The following IDH3A variants were observed in gnomAD, a reference collection of about 807,000 sequenced individuals.
IDH3A encodes the protein isocitrate dehydrogenase (NAD(+)) 3 catalytic subunit alpha, also known as isocitrate dehydrogenase [NAD] subunit alpha, mitochondrial.
Under a neutral mutation model 43.3 loss-of-function variants are expected in IDH3A, and 23 were observed. That is an observed-to-expected ratio of 0.53 (90% CI 0.38 to 0.75). The LOEUF is 0.75. Among genes scored for constraint, IDH3A ranks in the 30% least tolerant of loss-of-function variants. The pLI is 0.00. For synonymous variants in IDH3A, 154 were observed against 163.5 expected, an observed-to-expected ratio of 0.94 and a Z score of 0.44; for missense variants, 329 against 474.4, an observed-to-expected ratio of 0.69 and a Z score of 2.85.
In IDH3A at chr15:78,157,573, G is replaced by T. The variant is rs1465252689; in HGVS notation, c.116G>T (p.Gly39Val). The change falls in exon 3 of 11, where the codon GGA becomes GTA. Residue 39 changes from glycine (G) to valine (V), a missense_variant. By Grantham distance (109) the Gly-to-Val change is moderately radical. Around this residue, in one of 3 missense-constraint regions of IDH3A, gnomAD observed 212 missense variants for 345.5 expected, o/e 0.61. Transcript: ENST00000299518. Reference sequence around the variant, plus strand: ...GTTCAGACAGTAACTTTAATTCCAGGAGATGGTATTGGCCCAGAAATTTCA... The same window carrying T: ...GTTCAGACAGTAACTTTAATTCCAGTAGATGGTATTGGCCCAGAAATTTCA... The part of the protein sequence containing the change: ...GGVQTVTLIP[G>V]DGIGPEISAA... 5 of 1,611,892 alleles carry T rather than the reference G, an allele frequency of 3.1e-6. No homozygotes were observed. Among genetic ancestry groups the T allele is most frequent in the Non-Finnish European group, 4.2e-6 (5 of 1,178,872 alleles).
Position 78,161,145 on chromosome 15 carries a change from G to A in IDH3A, c.290-436G>A, listed in dbSNP as rs1395645714. Among the ~76,000 whole-genome samples, 2 of 152,244 alleles carry A rather than the reference G, an allele frequency of 1.3e-5. No individual in the cohort carries two copies. The highest frequency in any genetic ancestry group is 2.4e-5 in the African/African-American group (1 of 41,474). On this transcript the variant is annotated intron_variant, in intron 4 of 10. Coordinates refer to ENST00000299518, the MANE Select transcript of IDH3A (RefSeq NM_005530.3). This position sits in a 1 kb window ranked among gnomAD's most constrained non-coding sequence, Gnocchi z 4.8. ...GATCCGCCTGCCTTGGCCTCCCAAA[G>A]TGTTGGGATTACAGGCCTGAGACTG... is the stretch of plus-strand genomic sequence containing the variant.
Position 78,161,544 on chromosome 15 carries a change from C to T in IDH3A, c.290-37C>T. 2 of 1,571,716 alleles carry T rather than the reference C, an allele frequency of 1.3e-6. No individual in the cohort carries two copies. The highest frequency in any genetic ancestry group is 2.2e-5 in the South Asian group (2 of 89,488). On this transcript the variant is annotated intron_variant, in intron 4 of 10. Coordinates refer to ENST00000299518, the MANE Select transcript of IDH3A (RefSeq NM_005530.3). The surrounding 1 kb of genome is among the most constrained non-coding windows in gnomAD (Gnocchi z 4.8). ...GTAGGTCACACGTGAGACCAGAATT[C>T]CTTCTAGTGTCATCTGGGTTTTCTT... is the stretch of plus-strand genomic sequence containing the variant.
At chr15:78,166,666 C>G (rs1211309646) in intron 10 of IDH3A, among the ~76,000 whole-genome samples, 1 of 152,142 alleles carries the variant, frequency 6.6e-6, no homozygotes, top group Non-Finnish European at 1.5e-5. Flanking sequence ...GAGTCTTGCT[C>G]TGTCACCCAG....
At position 78,171,495 on chromosome 15, in the gene IDH3A, C is replaced by T. The variant is rs764537595; in HGVS notation, c.*2490C>T. 4 of 1,614,130 alleles carry T rather than the reference C, an allele frequency of 2.5e-6. No individual in the cohort carries two copies. The highest frequency in any genetic ancestry group is 2.5e-6 in the Non-Finnish European group (3 of 1,180,000). On this transcript the variant is annotated 3_prime_UTR_variant, in exon 11 of 11. Coordinates refer to ENST00000299518, the MANE Select transcript of IDH3A (RefSeq NM_005530.3). ...AGTCAATGATACCTTTGTACTTCTC[C>T]AAAACTGTGAGCCGTTTCAGTTTCA... is the stretch of plus-strand genomic sequence containing the variant.
intron 1 of IDH3A, among the ~76,000 whole-genome samples, chr15:78,153,757 G>A (rs561296205): frequency 3.4e-4 from 52 of 152,236 alleles, no homozygotes; most frequent in African/African-American, 1.1e-3. Flanking sequence ...GGTGGCTCAT[G>A]CCTGTAATCC....
At chr15:78,165,513 C>T (rs2868607) in intron 9 of IDH3A, among the ~76,000 whole-genome samples, 51,269 of 151,640 alleles carry the variant, frequency 0.34, 9,423 homozygotes, top group Middle Eastern at 0.42. Context: ...TTATATACAC[C>T]CATATATAAA....
chr15:78,163,326 G>C, intron 6 of IDH3A, 181 bp from the exon 7 acceptor site: 2 of 548,388 alleles, frequency 3.6e-6, no homozygotes, highest in South Asian at 2.6e-5. Flanking sequence ...CTTTCAGAAG[G>C]ATCCTAAAAC....
In IDH3A at chr15:78,165,889, A is replaced by G. The variant is rs137937595; in HGVS notation, c.865-261A>G. Among the ~76,000 whole-genome samples the G allele has an allele frequency of 6.8e-3, 1,031 of 152,024 alleles. 8 individuals carry two copies. Among genetic ancestry groups the G allele is most frequent in the African/African-American group, 0.024 (975 of 41,442 alleles). Reference sequence around the variant, plus strand: ...TTTTTTGTAGAAATGGGGTCTCACTATGTTGCCCAGGCTGGTCTTGAACTC... The same window carrying G: ...TTTTTTGTAGAAATGGGGTCTCACTGTGTTGCCCAGGCTGGTCTTGAACTC... On this transcript the variant is annotated intron_variant, in intron 9 of 10. Coordinates refer to ENST00000299518, the MANE Select transcript of IDH3A (RefSeq NM_005530.3).
At chr15:78,160,996 C>A (rs1172018712) in intron 4 of IDH3A, among the ~76,000 whole-genome samples, 2 of 152,230 alleles carry the variant, frequency 1.3e-5, no homozygotes, top group East Asian at 3.8e-4. Flanking sequence ...ATTCTCCTGC[C>A]TCAGCCTCCT....
chr15:78,157,354 G>C (rs1443236273), intron 2 of IDH3A, 194 bp from the exon 3 acceptor site: 1 of 620,386 alleles, frequency 1.6e-6, no homozygotes, highest in Non-Finnish European at 2.6e-6. Context: ...GTAAAGAGTA[G>C]GATTGCAGAG....
At chr15:78,167,740 T>G (rs2141305450) in intron 10 of IDH3A, 1 of 152,328 alleles carries the variant, frequency 6.6e-6, no homozygotes, top group Middle Eastern at 3.4e-3. Flanking sequence ...AGGTACCTCA[T>G]GTAAGTGGAA....
chr15:78,160,682 T>C (rs1356103468), intron 4 of IDH3A, among the ~76,000 whole-genome samples: 1 of 152,022 alleles, frequency 6.6e-6, no homozygotes, highest in Non-Finnish European at 1.5e-5. Flanking sequence ...TTTGTAGAGA[T>C]GGGGTCTCAC....
chr15:78,171,656 G>T lies in IDH3A; in HGVS notation c.*2651G>T. The T allele has an allele frequency of 4.2e-6, 3 of 721,604 alleles. No individual in the cohort carries two copies. The highest frequency in any genetic ancestry group is 1.8e-5 in the African/African-American group (1 of 56,664). 44.7% of individuals were successfully genotyped at this position (721,604 alleles called of 1,614,324 possible). On this transcript the variant is annotated 3_prime_UTR_variant, in exon 11 of 11. Coordinates refer to ENST00000299518, the MANE Select transcript of IDH3A (RefSeq NM_005530.3). Reference sequence around the variant, plus strand: ...TTAAGCCAGATAATCAGGACCGTCAGTAGCCAGCCTCCAAGACAGTGATCG... The same window carrying T: ...TTAAGCCAGATAATCAGGACCGTCATTAGCCAGCCTCCAAGACAGTGATCG...
At position 78,168,945 on chromosome 15, in the gene IDH3A, C is replaced by T; in HGVS notation, c.1041C>T (p.Gly347=). 6.2e-7 allele frequency: 1 copy of T among 1,601,956 alleles called. No individual in the cohort carries two copies. Among genetic ancestry groups the T allele is most frequent in the Non-Finnish European group, 8.5e-7 (1 of 1,170,174 alleles). ...AGAGCTTGACAAAAGATTTGGGAGGCAATGCAAAATGCTCAGACTTCACAG... is the reference window on the plus strand; with the variant it reads ...AGAGCTTGACAAAAGATTTGGGAGGTAATGCAAAATGCTCAGACTTCACAG... The part of the protein sequence containing the change: ...DGKSLTKDLG[G]NAKCSDFTEE... The change falls in exon 11 of 11, where the codon GGC becomes GGT. Residue 347 remains glycine, a synonymous_variant. Coordinates refer to ENST00000299518, the MANE Select transcript of IDH3A (RefSeq NM_005530.3).
intron 2 of IDH3A, among the ~76,000 whole-genome samples, chr15:78,156,209 T>G (rs1043015721): frequency 1.3e-5 from 2 of 152,228 alleles, no homozygotes; most frequent in East Asian, 3.8e-4. Flanking sequence ...GCTAATAAGA[T>G]GATCATTGCT....
rs1052648893 is a variant in IDH3A, at chr15:78,161,500, A to G, written c.290-81A>G. The G allele has an allele frequency of 5.0e-5, 54 of 1,080,096 alleles. No individual in the cohort carries two copies. The Admixed American group carries it at 1.0e-3, about 21-fold the overall frequency. The allele number at this position is 1,080,096 out of a possible 1,614,324, so 66.9% of individuals were successfully genotyped here. On this transcript the variant is annotated intron_variant, in intron 4 of 10. Transcript: ENST00000299518. This position sits in a 1 kb window ranked among gnomAD's most constrained non-coding sequence, Gnocchi z 4.8. ...AACTAGAGGCAGAACACATTTCACA[A>G]GGTAGCCGAGGTGGGTTAGTAGGTC...
intron 7 of IDH3A, 45 bp downstream of exon 7, chr15:78,163,654 G>T: frequency 1.3e-6 from 2 of 1,544,264 alleles, no homozygotes; most frequent in Non-Finnish European, 1.8e-6. Context: ...ATGGTGAATG[G>T]TGTCTGTGTG....
At position 78,165,078 on chromosome 15, in the gene IDH3A, T is replaced by A; in HGVS notation, c.864+2T>A. On this transcript the variant is annotated splice_donor_variant, in intron 9 of 10. Transcript: ENST00000299518. LOFTEE classifies it high-confidence loss of function. ...AATGGGGTTGCAATTTTTGAGTCGG[T>A]AAGGACCCTGACACCTGAAACAGAA... 6.2e-7 allele frequency: 1 copy of A among 1,604,830 alleles called. No homozygotes were observed. Among genetic ancestry groups the A allele is most frequent in the Non-Finnish European group, 8.5e-7 (1 of 1,171,510 alleles).
At chr15:78,166,342 A>T in intron 10 of IDH3A, 40 bp downstream of exon 10, 1 of 1,595,338 alleles carries the variant, frequency 6.3e-7, no homozygotes. Flanking sequence ...GGTAAAATGC[A>T]TTGCTTCCAT....
Sources: allele counts gnomAD v4.1 joint callset (sites outside exome capture counted in the v4.1 genomes callset), GRCh38; gene constraint gnomAD v4.1.1; regional missense constraint gnomAD v4.1.1; non-coding constraint Gnocchi (gnomAD v3.1); transcripts MANE v1.5; gene names NCBI Gene and HGNC (gene_info 2026-07-23, HGNC 2026-07-21).